Variants in ERC2 observed in about 807,000 individuals in gnomAD.
The protein encoded by ERC2 is ELKS/RAB6-interacting/CAST family member 2.
A neutral mutation model predicts 114.8 loss-of-function variants in ERC2; 42 were observed. The ratio of observed to expected loss-of-function variants is 0.37; its 90% CI spans 0.29 to 0.47. The LOEUF (loss-of-function observed/expected upper bound fraction) is 0.47. Among genes scored for constraint, ERC2 ranks in the 20% least tolerant of loss-of-function variants. The pLI is 0.99. For synonymous variants in ERC2, 454 were observed against 425.5 expected (o/e 1.07, Z -0.82); for missense variants, 939 against 1,150.7 (o/e 0.82, Z 2.66).
intron 14 of ERC2, among the ~76,000 whole-genome samples, chr3:55,819,695 A>G (rs1379555635): frequency 2.0e-5 from 3 of 152,170 alleles, no homozygotes; most frequent in Non-Finnish European, 4.4e-5. Flanking sequence ...GATAGCATCT[A>G]TTAGACAATG....
chr3:55,700,761 A>T (rs2063184410), intron 15 of ERC2, among the ~76,000 whole-genome samples: 1 of 152,122 alleles, frequency 6.6e-6, no homozygotes, highest in Non-Finnish European at 1.5e-5. Context: ...CCTCCTGCAT[A>T]CCATGGCTCT....
At chr3:56,157,651 C>A (rs2081809401) in intron 4 of ERC2, among the ~76,000 whole-genome samples, 1 of 152,160 alleles carries the variant, frequency 6.6e-6, no homozygotes, top group Non-Finnish European at 1.5e-5. Flanking sequence ...TCTTCCCGTT[C>A]CTTTTAACCC....
At chr3:56,036,738 C>G (rs1242114899) in intron 7 of ERC2, among the ~76,000 whole-genome samples, 4 of 152,112 alleles carry the variant, frequency 2.6e-5, no homozygotes, top group Non-Finnish European at 4.4e-5. Flanking sequence ...GGAAACCACG[C>G]TTTTTCTATG....
At chr3:56,094,550 T>C (rs2077954109) in intron 6 of ERC2, among the ~76,000 whole-genome samples, 1 of 152,174 alleles carries the variant, frequency 6.6e-6, no homozygotes, top group African/African-American at 2.4e-5. Context: ...TCAGTTATCT[T>C]TTGATAAAAA....
rs187787774 is a variant in ERC2, at chr3:56,129,467, T to C, written c.1473+10042A>G. The stretch of plus-strand genomic sequence containing the variant: ...AAATTCTGTTTTCCATAAAATTCAT[T>C]TTAAAAAGAGTAAAGAATGTGAACT... On this transcript the variant is annotated intron_variant, in intron 6 of 17. Transcript: ENST00000288221. Among the ~76,000 whole-genome samples the C allele has an allele frequency of 5.1e-4, 78 of 152,310 alleles. 1 individual carries two copies. Among genetic ancestry groups the C allele is most frequent in the Admixed American group, 1.5e-3 (23 of 15,298 alleles).
Position 55,747,591 on chromosome 3 carries a change from G to A in ERC2, c.2565-12673C>T, listed in dbSNP as rs1268221883. Among the ~76,000 whole-genome samples the A allele has an allele frequency of 1.1e-4, 16 of 152,292 alleles. No homozygotes were observed. In the East Asian group the frequency reaches 2.7e-3, roughly 26 times the overall value. On this transcript the variant is annotated intron_variant, in intron 14 of 17. Coordinates refer to ENST00000288221, the MANE Select transcript of ERC2 (RefSeq NM_015576.3). ...TGTGTTGGGAAGAAATGGTTAAAAC[G>A]CCACTATGAAAACACACTAAGCCTA... is the stretch of plus-strand genomic sequence containing the variant.
At chr3:56,399,203 A>G (rs1226093746) in intron 2 of ERC2, among the ~76,000 whole-genome samples, 1 of 152,254 alleles carries the variant, frequency 6.6e-6, no homozygotes, top group Non-Finnish European at 1.5e-5. Context: ...GCCACTCTAC[A>G]GAGGTTACAG....
intron 1 of ERC2, among the ~76,000 whole-genome samples, chr3:56,460,799 C>G (rs1037652938): frequency 6.6e-6 from 1 of 152,154 alleles, no homozygotes; most frequent in Non-Finnish European, 1.5e-5. Context: ...TTATTCCTCT[C>G]TAAGCCACAG....
intron 17 of ERC2, among the ~76,000 whole-genome samples, chr3:55,516,929 C>T (rs946139921): frequency 6.6e-6 from 1 of 152,102 alleles, no homozygotes; most frequent in Admixed American, 6.5e-5. Context: ...GATGAGGAAA[C>T]GAAAGCTTAG....
At chr3:55,896,243 C>T (rs1004875784) in intron 13 of ERC2, among the ~76,000 whole-genome samples, 2 of 152,180 alleles carry the variant, frequency 1.3e-5, no homozygotes, top group African/African-American at 4.8e-5. Context: ...ATTACTTAAT[C>T]ACAATAGTGA....
intron 3 of ERC2, among the ~76,000 whole-genome samples, chr3:56,204,376 C>T (rs2048582027): frequency 6.6e-6 from 1 of 152,108 alleles, no homozygotes. Flanking sequence ...TACTTTTGCT[C>T]TGCTAACTAT....
intron 14 of ERC2, among the ~76,000 whole-genome samples, chr3:55,746,679 T>C (rs2066327807): frequency 6.6e-6 from 1 of 152,218 alleles, no homozygotes. Flanking sequence ...GTGGCATGTC[T>C]GTGTGTGCTG....
At chr3:56,048,595 T>C (rs1325964202) in intron 7 of ERC2, among the ~76,000 whole-genome samples, 1 of 152,204 alleles carries the variant, frequency 6.6e-6, no homozygotes, top group Non-Finnish European at 1.5e-5. Flanking sequence ...CAAGACAGCA[T>C]AGGAAAAATG....
At chr3:56,317,518 CTG>C (rs1168389583) in intron 2 of ERC2, among the ~76,000 whole-genome samples, 1 of 152,134 alleles carries the variant, frequency 6.6e-6, no homozygotes, top group East Asian at 1.9e-4. Flanking sequence ...TCTCAGAAGT[CTG>C]TGAGTTTTAT....
At chr3:56,462,355 C>T (rs978654619) in intron 1 of ERC2, among the ~76,000 whole-genome samples, 1 of 152,208 alleles carries the variant, frequency 6.6e-6, no homozygotes, top group Admixed American at 6.5e-5. Context: ...ATTATCTTCT[C>T]ATGTCCCCAG....
chr3:56,439,114 C>G (rs991331196), intron 1 of ERC2, among the ~76,000 whole-genome samples: 1 of 152,076 alleles, frequency 6.6e-6, no homozygotes, highest in Non-Finnish European at 1.5e-5. Flanking sequence ...ACCAGTCTTC[C>G]CTATTCCTGA....
chr3:55,901,727 T>C (rs2064146888), intron 13 of ERC2, among the ~76,000 whole-genome samples: 1 of 152,166 alleles, frequency 6.6e-6, no homozygotes, highest in Non-Finnish European at 1.5e-5. Context: ...TGACATCCCA[T>C]CACTTCCACA....
chr3:55,544,784 T>C (rs1191220839), intron 17 of ERC2, among the ~76,000 whole-genome samples: 2 of 152,194 alleles, frequency 1.3e-5, no homozygotes, highest in African/African-American at 4.8e-5. Context: ...CAAATCATCA[T>C]AGCAATGGAT....
At chr3:56,217,244 T>C (rs933160521) in intron 3 of ERC2, among the ~76,000 whole-genome samples, 1 of 152,188 alleles carries the variant, frequency 6.6e-6, no homozygotes, top group Non-Finnish European at 1.5e-5. Context: ...GAAAACCCCA[T>C]TGTCTCAGCC....
Sources: gnomAD v4.1 joint callset for allele counts (sites outside exome capture counted in the v4.1 genomes callset) on GRCh38, gnomAD v4.1.1 for gene constraint, MANE v1.5 for transcripts, NCBI Gene and HGNC (gene_info 2026-07-23, HGNC 2026-07-21) for gene names.